ERC1: variants seen among roughly 807,000 people sequenced by gnomAD.
The protein encoded by ERC1 is ELKS/RAB6-interacting/CAST family member 1.
Under a neutral mutation model 132.0 loss-of-function variants are expected in ERC1, and 56 were observed. The observed-to-expected ratio is 0.42, with a 90% confidence interval of 0.34 to 0.53. ERC1 has a LOEUF of 0.53. ERC1 is among the 20% of genes least tolerant of loss of function. The pLI, the probability that ERC1 is intolerant of heterozygous loss-of-function variation, is 0.03. For missense variants in ERC1, 1,202 were observed against 1,349.9 expected (o/e 0.89, Z 1.72); for synonymous variants, 478 against 476.1 (o/e 1.00, Z -0.05).
At chr12:1,232,966 C>T (rs1021953471) in intron 12 of ERC1, among the ~76,000 whole-genome samples, 1 of 151,838 alleles carries the variant, frequency 6.6e-6, no homozygotes, top group Admixed American at 6.6e-5. Context: ...ATAGAATACC[C>T]ATATAGGGGA....
intron 8 of ERC1, among the ~76,000 whole-genome samples, chr12:1,154,272 C>T (rs1338984033): frequency 2.4e-3 from 291 of 119,694 alleles, no homozygotes; most frequent in South Asian, 6.6e-3. Flanking sequence ...TATATATACA[C>T]ATATACATGT....
chr12:1,464,374 A>C (rs1370759470), intron 18 of ERC1, among the ~76,000 whole-genome samples: 1 of 152,064 alleles, frequency 6.6e-6, no homozygotes, highest in Admixed American at 6.6e-5. Flanking sequence ...CTCACCTCTA[A>C]ACTACGGCAG....
chr12:1,385,037 C>T (rs2089160170), intron 16 of ERC1, among the ~76,000 whole-genome samples: 1 of 152,182 alleles, frequency 6.6e-6, no homozygotes, highest in African/African-American at 2.4e-5. Context: ...TTTACGAGTA[C>T]ACCCAAAGTG....
intron 8 of ERC1, among the ~76,000 whole-genome samples, chr12:1,154,316 T>C (rs2154256408): frequency 6.8e-6 from 1 of 146,218 alleles, no homozygotes; most frequent in South Asian, 2.1e-4. Context: ...TATATGTGTG[T>C]GTGTATATAT....
At chr12:1,440,264 G>GTA (rs2093071931) in intron 17 of ERC1, among the ~76,000 whole-genome samples, 1 of 141,328 alleles carries the variant, frequency 7.1e-6, no homozygotes, top group African/African-American at 2.8e-5. Context: ...GAGTGCAGTG[G>GTA]TGCCATCTCG....
At chr12:1,416,682 C>G (rs2092135016) in intron 17 of ERC1, among the ~76,000 whole-genome samples, 1 of 152,168 alleles carries the variant, frequency 6.6e-6, no homozygotes, top group African/African-American at 2.4e-5. Flanking sequence ...CTTTCAGGTC[C>G]TAGTCAGAAG....
intron 2 of ERC1, among the ~76,000 whole-genome samples, chr12:1,080,950 T>C (rs1287189760): frequency 6.6e-6 from 1 of 152,182 alleles, no homozygotes; most frequent in African/African-American, 2.4e-5. Context: ...AAAAAGATTT[T>C]TTCAATGGAT....
intron 18 of ERC1, among the ~76,000 whole-genome samples, chr12:1,454,486 G>T (rs888553503): frequency 2.6e-5 from 4 of 152,130 alleles, no homozygotes; most frequent in African/African-American, 9.7e-5. Context: ...TGGATACTGT[G>T]GGACTGAGCC....
intron 17 of ERC1, among the ~76,000 whole-genome samples, chr12:1,421,020 G>C (rs528125440): frequency 2.6e-4 from 40 of 151,088 alleles, no homozygotes; most frequent in Middle Eastern, 3.4e-3. Context: ...TATGTTTATA[G>C]GGTACAGTGA....
chr12:1,035,580 A>G (rs1034542722), intron 2 of ERC1, among the ~76,000 whole-genome samples: 2 of 152,134 alleles, frequency 1.3e-5, no homozygotes, highest in African/African-American at 4.8e-5. Flanking sequence ...TATGTTTGAC[A>G]AAGAATGAAA....
chr12:1,080,803 A>G (rs1304344674), intron 2 of ERC1, among the ~76,000 whole-genome samples: 1 of 152,040 alleles, frequency 6.6e-6, no homozygotes, highest in Non-Finnish European at 1.5e-5. Context: ...TTTGCCTCAT[A>G]CCGTGATTCT....
chr12:1,216,250 A>T (rs1036023033), intron 12 of ERC1, among the ~76,000 whole-genome samples: 1 of 152,026 alleles, frequency 6.6e-6, no homozygotes, highest in Non-Finnish European at 1.5e-5. Flanking sequence ...AATGATTTTT[A>T]TTTTATTTTA....
chr12:1,416,976 C>G (rs1192808791), intron 17 of ERC1, among the ~76,000 whole-genome samples: 1 of 152,018 alleles, frequency 6.6e-6, no homozygotes, highest in Non-Finnish European at 1.5e-5. Context: ...CTCTGTCTTC[C>G]TCTTGGCTCT....
At chr12:1,019,567 T>C (rs1348872150) in intron 1 of ERC1, among the ~76,000 whole-genome samples, 2 of 152,216 alleles carry the variant, frequency 1.3e-5, no homozygotes, top group Non-Finnish European at 2.9e-5. Context: ...GACATCATCC[T>C]TTTATGGAAA....
chr12:1,036,683 A>C (rs1462093936), intron 2 of ERC1, among the ~76,000 whole-genome samples: 2 of 152,134 alleles, frequency 1.3e-5, no homozygotes, highest in African/African-American at 4.8e-5. Flanking sequence ...GCCTTAAATA[A>C]ACTTTGTCAT....
chr12:1,482,092 G>A (rs973623622), intron 18 of ERC1, among the ~76,000 whole-genome samples: 2 of 152,178 alleles, frequency 1.3e-5, no homozygotes, highest in Non-Finnish European at 2.9e-5. Context: ...ACTGTGTAAT[G>A]GAATGGCGGT....
intron 2 of ERC1, among the ~76,000 whole-genome samples, chr12:1,061,651 T>C (rs1028146006): frequency 2.1e-4 from 32 of 152,156 alleles, no homozygotes; most frequent in African/African-American, 7.5e-4. Flanking sequence ...CAAGTTCTTG[T>C]TTCATTGATG....
At position 1,025,820 on chromosome 12, in the gene ERC1, C is replaced by T. The variant is rs575827641; in HGVS notation, c.-156-1928C>T. Among the ~76,000 whole-genome samples, 27 of 108,250 alleles carry T rather than the reference C, an allele frequency of 2.5e-4. No homozygotes were observed. The Admixed American group carries it at 2.7e-3, about 11-fold the overall frequency. 71.0% of individuals were successfully genotyped at this position (108,250 alleles called of 152,430 possible). ...TTTTTTTTTTTTTTTTTTTTTGAGA[C>T]GGAGTCTCGCTCTTGTCACCCAGGC... On this transcript the variant is annotated intron_variant, in intron 1 of 18. Transcript: ENST00000360905.
intron 2 of ERC1, among the ~76,000 whole-genome samples, chr12:1,055,747 A>C (rs1972834137): frequency 6.6e-6 from 1 of 152,218 alleles, no homozygotes; most frequent in Non-Finnish European, 1.5e-5. Flanking sequence ...TGACCTAGGG[A>C]CAGGTAGATT....
Sources: gnomAD v4.1 joint callset for allele counts (sites outside exome capture counted in the v4.1 genomes callset) on GRCh38, gnomAD v4.1.1 for gene constraint, MANE v1.5 for transcripts, NCBI Gene and HGNC (gene_info 2026-07-23, HGNC 2026-07-21) for gene names.